SHOX2: variants seen among roughly 807,000 people sequenced by gnomAD.
SHOX2 encodes short stature homeobox protein 2.
A neutral mutation model predicts 31.3 loss-of-function variants in SHOX2; 13 were observed. The ratio of observed to expected loss-of-function variants is 0.42; its 90% CI spans 0.27 to 0.66. The LOEUF (loss-of-function observed/expected upper bound fraction) is 0.66, where lower values mean the gene tolerates loss of function less well. Among genes scored for constraint, SHOX2 ranks in the 30% least tolerant of loss-of-function variants. SHOX2 has a pLI of 0.27. For synonymous variants in SHOX2, 244 were observed against 196.2 expected (o/e 1.24, Z -2.04); for missense variants, 473 against 443.0 (o/e 1.07, Z -0.61).
chr3:158,106,078 T>G lies in SHOX2; in HGVS notation c.-54A>C. The G allele has an allele frequency of 6.2e-7, 1 of 1,604,790 alleles. No individual in the cohort carries two copies. Among genetic ancestry groups the G allele is most frequent in the Non-Finnish European group, 8.5e-7 (1 of 1,175,490 alleles). On this transcript the variant is annotated 5_prime_UTR_variant, in exon 1 of 5. Transcript: ENST00000483851. ...CCTCTGCCAGCAGAGCCCCGCTCTT[T>G]TTTTCCTTCTTCTTTTTTTACTGCT...
Position 158,098,040 on chromosome 3 carries a change from G to A in SHOX2, c.947C>T (p.Ala316Val). 6.2e-7 allele frequency: 1 copy of A among 1,603,140 alleles called. No individual in the cohort carries two copies. Among genetic ancestry groups the A allele is most frequent in the Non-Finnish European group, 8.5e-7 (1 of 1,173,446 alleles). The change falls in exon 5 of 5, where the codon GCC becomes GTC. Residue 316 changes from alanine (A) to valine (V), a missense_variant. This residue lies in a region of SHOX2 where 182 missense variants were observed against 167.2 expected (regional missense o/e 1.09). Coordinates refer to ENST00000483851, the MANE Select transcript of SHOX2 (RefSeq NM_001163678.2). Reference sequence around the variant, plus strand: ...CTGGCGTTGGCGTCACAGACCCAGGGCTGCGGCGTGCTTTTTGGCTTTCAG... The same window carrying A: ...CTGGCGTTGGCGTCACAGACCCAGGACTGCGGCGTGCTTTTTGGCTTTCAG... Reference protein sequence around the residue: ...LRLKAKKHAAALGL With the variant: ...LRLKAKKHAAVLGL
At chr3:158,101,412 G>A (rs140516079) in intron 2 of SHOX2, among the ~76,000 whole-genome samples, 2 of 152,184 alleles carry the variant, frequency 1.3e-5, no homozygotes, top group East Asian at 1.9e-4. Context: ...TTGGAATTAA[G>A]ATACTAATAA....
In SHOX2 at chr3:158,101,329, T is replaced by C. The variant is rs1198120437; in HGVS notation, c.556-1018A>G. Among the ~76,000 whole-genome samples the C allele has an allele frequency of 2.0e-5, 3 of 152,230 alleles. No individual in the cohort carries two copies. The East Asian group carries it at 5.8e-4, about 29-fold the overall frequency. On this transcript the variant is annotated intron_variant, in intron 2 of 4. Coordinates refer to ENST00000483851, the MANE Select transcript of SHOX2 (RefSeq NM_001163678.2). ...CTATTTAGTACAACAGAGGGTGGAT[T>C]TTGTGCCAGGGTGGCATCCTTTGTG...
At chr3:158,104,258 G>A (rs1383881812) in intron 1 of SHOX2, 1 of 152,272 alleles carries the variant, frequency 6.6e-6, no homozygotes, top group Admixed American at 6.5e-5. Flanking sequence ...CCTGTAGTTC[G>A]GGCCTGTAGT....
At chr3:158,105,277 G>C (rs190348966) in intron 1 of SHOX2, 1 of 631,478 alleles carries the variant, frequency 1.6e-6, no homozygotes, top group Middle Eastern at 4.2e-4. Context: ...GGCAAACTCT[G>C]CGCTAGAGGC....
chr3:158,097,889 G>A lies in SHOX2; in HGVS notation c.*138C>T. Reference sequence around the variant, plus strand: ...GCTTTCCGAGTCCAAGATGCGATAGGGGACGAGGGATGGTCAGTGAGGCGG... The same window carrying A: ...GCTTTCCGAGTCCAAGATGCGATAGAGGACGAGGGATGGTCAGTGAGGCGG... On this transcript the variant is annotated 3_prime_UTR_variant, in exon 5 of 5. Transcript: ENST00000483851. The A allele has an allele frequency of 8.9e-7, 1 of 1,123,346 alleles. No homozygotes were observed. Among genetic ancestry groups the A allele is most frequent in the African/African-American group, 1.6e-5 (1 of 64,096 alleles). The allele number at this position is 1,123,346 out of a possible 1,614,324, so 69.6% of individuals were successfully genotyped here.
chr3:158,098,138 G>T lies in SHOX2; in HGVS notation c.849C>A (p.Ser283=), dbSNP rs761585681. 1.9e-6 allele frequency: 3 copies of T among 1,613,420 alleles called. No homozygotes were observed. Among genetic ancestry groups the T allele is most frequent in the East Asian group, 4.5e-5 (2 of 44,862 alleles). Residue 283 remains serine (S), a synonymous_variant, in exon 5 of 5, where the codon TCC becomes TCA. Coordinates refer to ENST00000483851, the MANE Select transcript of SHOX2 (RefSeq NM_001163678.2). ...CTGCGGCCGCCACTACCGAGGCGGC[G>T]GAAGCCGAATCCGCGGCCAGCGTGG... The part of the protein sequence containing the change: ...PLATLAADSA[S]AASVVAAAAA...
At chr3:158,098,647 T>A (rs1608118) in intron 4 of SHOX2, among the ~76,000 whole-genome samples, 135,501 of 152,206 alleles carry the variant, frequency 0.89, 60,476 homozygotes, top group East Asian at 1. Flanking sequence ...CTCTTGATGC[T>A]GCCATGCATC....
chr3:158,106,186 G>T lies in SHOX2; in HGVS notation c.-162C>A. 1 of 1,131,750 alleles carries T rather than the reference G, an allele frequency of 8.8e-7. No individual in the cohort carries two copies. The highest frequency in any genetic ancestry group is 1.2e-6 in the Non-Finnish European group (1 of 821,052). The allele number at this position is 1,131,750 out of a possible 1,614,324, so 70.1% of individuals were successfully genotyped here. ...AGGAGAAAGAAGAAGAAAAAGAGGAGAAGAAAGAAGAAAGAGGAGGAGAAG... is the reference window on the plus strand; with the variant it reads ...AGGAGAAAGAAGAAGAAAAAGAGGATAAGAAAGAAGAAAGAGGAGGAGAAG... On this transcript the variant is annotated 5_prime_UTR_variant, in exon 1 of 5. Transcript: ENST00000483851.
At position 158,105,777 on chromosome 3, in the gene SHOX2, G is replaced by GCTCCTCCTCCTCCTACACCTCCTC. The variant is rs1553754932; in HGVS notation, c.224_247dup (p.Gly75_Gly82dup). The GCTCCTCCTCCTCCTACACCTCCTC allele has an allele frequency of 7.9e-6, 12 of 1,513,016 alleles. No homozygotes were observed. The highest frequency in any genetic ancestry group is 1.1e-5 in the Non-Finnish European group (12 of 1,131,920). The allele number at this position is 1,513,016 out of a possible 1,614,324, so 93.7% of individuals were successfully genotyped here. A position where few individuals can be genotyped will look rare whatever the true frequency, so the allele number is the denominator to read the frequency against. Reference sequence around the variant, plus strand: ...GCGCCCTCCTCCAGCTCCTCCGCCTGCTCCTCCTCCTCCTACACCTCCTCC... The same window carrying GCTCCTCCTCCTCCTACACCTCCTC: ...GCGCCCTCCTCCAGCTCCTCCGCCTGCTCCTCCTCCTCCTACACCTCCTCCTCCTCCTCCTCCTACACCTCCTCC... On this transcript the variant is annotated inframe_insertion, in exon 1 of 5. Coordinates refer to ENST00000483851, the MANE Select transcript of SHOX2 (RefSeq NM_001163678.2).
In SHOX2 at chr3:158,105,990, A is replaced by G; in HGVS notation, c.35T>C (p.Phe12Ser). ...EELTAFVSKS[F>S]DQKVKEKKEA... ...CTTCTTCTCCTTCACTTTCTGGTCA[A>G]AAGACTTGGAGACGAACGCCGTAAG... Residue 12 changes from phenylalanine (F) to serine (S), a missense_variant, in exon 1 of 5, where the codon TTT becomes TCT. By Grantham distance (155) the Phe-to-Ser change is radical. Around this residue, in one of 3 missense-constraint regions of SHOX2, gnomAD observed 276 missense variants for 230.0 expected, o/e 1.20. Transcript: ENST00000483851. The G allele has an allele frequency of 6.2e-7, 1 of 1,613,036 alleles. No individual in the cohort carries two copies. Among genetic ancestry groups the G allele is most frequent in the East Asian group, 2.2e-5 (1 of 44,790 alleles).
chr3:158,098,078 G>T lies in SHOX2; in HGVS notation c.909C>A (p.Ile303=). 1 of 1,611,684 alleles carries T rather than the reference G, an allele frequency of 6.2e-7. No homozygotes were observed. The highest frequency in any genetic ancestry group is 1.7e-5 in the Admixed American group (1 of 59,894). Residue 303 remains isoleucine, a synonymous_variant, in exon 5 of 5, where the codon ATC becomes ATA. Transcript: ENST00000483851. ...TTTTGGCTTTCAGTCTGAGATCGGC[G>T]ATGCTGGAGTTCTTGCTGGTGGTCT... The part of the protein sequence containing the change: ...AAKTTSKNSS[I]ADLRLKAKKH...
At position 158,105,797 on chromosome 3, in the gene SHOX2, T is replaced by TCCTCCGCCGCCG; in HGVS notation, c.227_228insCGGCGGCGGAGG (p.Gly74_Gly77dup). The TCCTCCGCCGCCG allele has an allele frequency of 6.8e-7, 1 of 1,470,732 alleles. No individual in the cohort carries two copies. Among genetic ancestry groups the TCCTCCGCCGCCG allele is most frequent in the African/African-American group, 1.5e-5 (1 of 67,282 alleles). 91.1% of individuals were successfully genotyped at this position (1,470,732 alleles called of 1,614,324 possible). ...CGCCTGCTCCTCCTCCTCCTACACC[T>TCCTCCGCCGCCG]CCTCCGCCTCCTCCGCCGCCGCCTC... On this transcript the variant is annotated inframe_insertion, in exon 1 of 5. Coordinates refer to ENST00000483851, the MANE Select transcript of SHOX2 (RefSeq NM_001163678.2).
intron 3 of SHOX2, 139 bp from the exon 4 acceptor site, chr3:158,100,087 T>C (rs1713398376): frequency 2.2e-6 from 2 of 907,440 alleles, no homozygotes; most frequent in Non-Finnish European, 3.4e-6. Context: ...TTTAAATAAA[T>C]GTAACTTACT....
Position 158,096,932 on chromosome 3 carries a change from G to GT in SHOX2, c.*1094_*1095insA, listed in dbSNP as rs1559893678. Reference sequence around the variant, plus strand: ...TATATATATATATATATATATATATGGCAAATATATGATATATATATATGG... The same window carrying GT: ...TATATATATATATATATATATATATGTGCAAATATATGATATATATATATGG... On this transcript the variant is annotated 3_prime_UTR_variant, in exon 5 of 5. Transcript: ENST00000483851. The GT allele has an allele frequency of 7.4e-5, 3 of 40,644 alleles. No individual in the cohort carries two copies. The highest frequency in any genetic ancestry group is 3.2e-4 in the Admixed American group (1 of 3,136). 2.5% of individuals were successfully genotyped at this position (40,644 alleles called of 1,614,324 possible).
Position 158,105,032 on chromosome 3 carries a change from G to GC in SHOX2, c.346+646dup, listed in dbSNP as rs57739193. 909 of 310,882 alleles carry GC rather than the reference G, an allele frequency of 2.9e-3. 2 individuals carry two copies. The highest frequency in any genetic ancestry group is 6.6e-3 in the African/African-American group (130 of 19,688). 19.3% of individuals were successfully genotyped at this position (310,882 alleles called of 1,614,324 possible). Reference sequence around the variant, plus strand: ...AATATAGATCCCCACCTCCCCCGCCGCCCCCCCCCCCCGCCCCCAACACAC... The same window carrying GC: ...AATATAGATCCCCACCTCCCCCGCCGCCCCCCCCCCCCCGCCCCCAACACAC... On this transcript the variant is annotated intron_variant, in intron 1 of 4. Coordinates refer to ENST00000483851, the MANE Select transcript of SHOX2 (RefSeq NM_001163678.2).
Position 158,096,232 on chromosome 3 carries a change from A to G in SHOX2, c.*1795T>C, listed in dbSNP as rs1253495035. On this transcript the variant is annotated 3_prime_UTR_variant, in exon 5 of 5. Coordinates refer to ENST00000483851, the MANE Select transcript of SHOX2 (RefSeq NM_001163678.2). ...GGAGAACAAATAGTTACAAAGCTCA[A>G]CCGCATACCAAAGTTCAGTTAGAAG... 1 of 152,364 alleles carries G rather than the reference A, an allele frequency of 6.6e-6. No individual in the cohort carries two copies. 9.4% of individuals were successfully genotyped at this position (152,364 alleles called of 1,614,324 possible). A position where few individuals can be genotyped will look rare whatever the true frequency, so the allele number is the denominator to read the frequency against.
At position 158,105,785 on chromosome 3, in the gene SHOX2, T is replaced by TCCTCCTACA. The variant is rs1713872741; in HGVS notation, c.231_239dup (p.Val78_Gly80dup). On this transcript the variant is annotated inframe_insertion, in exon 1 of 5. Coordinates refer to ENST00000483851, the MANE Select transcript of SHOX2 (RefSeq NM_001163678.2). ...CTCCAGCTCCTCCGCCTGCTCCTCC[T>TCCTCCTACA]CCTCCTACACCTCCTCCGCCTCCTC... 2.0e-6 allele frequency: 3 copies of TCCTCCTACA among 1,505,894 alleles called. No homozygotes were observed. The highest frequency in any genetic ancestry group is 8.9e-7 in the Non-Finnish European group (1 of 1,126,812). The allele number at this position is 1,505,894 out of a possible 1,614,324, so 93.3% of individuals were successfully genotyped here.
At chr3:158,098,397 G>T in intron 4 of SHOX2, 113 bp from the exon 5 acceptor site, 1 of 1,357,644 alleles carries the variant, frequency 7.4e-7, no homozygotes. Flanking sequence ...TTGTGTTTGG[G>T]CACGGGGAGA....
Sources: gnomAD v4.1 joint callset for allele counts (sites outside exome capture counted in the v4.1 genomes callset) on GRCh38, gnomAD v4.1.1 for gene constraint, gnomAD v4.1.1 regional missense constraint, MANE v1.5 for transcripts, NCBI Gene and HGNC (gene_info 2026-07-23, HGNC 2026-07-21) for gene names.